Variants in PC observed in about 807,000 individuals in gnomAD.
PC encodes pyruvate carboxylase.
Under a neutral mutation model 107.8 loss-of-function variants are expected in PC, and 46 were observed. The ratio of observed to expected loss-of-function variants is 0.43; its 90% CI spans 0.34 to 0.55. The LOEUF (loss-of-function observed/expected upper bound fraction) is 0.55. PC is among the 20% of genes least tolerant of loss of function. The pLI is 0.04. For synonymous variants in PC, 662 were observed against 684.7 expected, an observed-to-expected ratio of 0.97 and a Z score of 0.52; for missense variants, 1,241 against 1,643.1, an observed-to-expected ratio of 0.76 and a Z score of 4.23.
intron 3 of PC, among the ~76,000 whole-genome samples, chr11:66,915,908 C>A (rs1290470768): frequency 6.6e-6 from 1 of 152,206 alleles, no homozygotes; most frequent in African/African-American, 2.4e-5. Flanking sequence ...CCTCTTTCGG[C>A]ACTTTGAGCT....
intron 3 of PC, among the ~76,000 whole-genome samples, chr11:66,910,560 G>A (rs1279108916): frequency 1.3e-5 from 2 of 152,168 alleles, no homozygotes; most frequent in African/African-American, 2.4e-5. Flanking sequence ...AGAGCGTGAT[G>A]GCCCCACACT....
intron 11 of PC, among the ~76,000 whole-genome samples, chr11:66,864,750 G>A (rs772012495): frequency 1.3e-5 from 2 of 152,192 alleles, no homozygotes; most frequent in African/African-American, 2.4e-5. Context: ...CAGAGGCGCC[G>A]ACACTCACAC....
At chr11:66,851,738 G>A in intron 16 of PC, 52 bp downstream of exon 16, 4 of 1,594,164 alleles carry the variant, frequency 2.5e-6, no homozygotes, top group Non-Finnish European at 3.4e-6. Context: ...ACATGGCTCG[G>A]TACCCTCTGG....
intron 3 of PC, among the ~76,000 whole-genome samples, chr11:66,928,494 A>C (rs1254389852): frequency 6.9e-6 from 1 of 144,996 alleles, no homozygotes; most frequent in Non-Finnish European, 1.5e-5. Context: ...CTAGTAGTGC[A>C]AAAAAAAAAA....
intron 12 of PC, chr11:66,859,758 CT>C: frequency 6.2e-7 from 1 of 1,607,694 alleles, no homozygotes; most frequent in Admixed American, 1.7e-5. Context: ...GGCCACCAGG[CT>C]GCTGGGCTGT....
chr11:66,955,340 T>TG (rs1271744761), intron 1 of PC, among the ~76,000 whole-genome samples: 1 of 152,052 alleles, frequency 6.6e-6, no homozygotes, highest in Non-Finnish European at 1.5e-5. Context: ...TCACAGTGCC[T>TG]GGGGCACTGG....
At chr11:66,875,132 G>C (rs1216100193) in intron 3 of PC, among the ~76,000 whole-genome samples, 1 of 151,594 alleles carries the variant, frequency 6.6e-6, no homozygotes, top group Non-Finnish European at 1.5e-5. Flanking sequence ...ATGCACAGTG[G>C]AAAGGATCTC....
chr11:66,877,373 G>A (rs989241191), intron 3 of PC, among the ~76,000 whole-genome samples: 23 of 152,058 alleles, frequency 1.5e-4, no homozygotes, highest in Admixed American at 1.2e-3. Context: ...GTGATAGAGC[G>A]AGACTCCATC....
intron 1 of PC, 65 bp downstream of exon 1, chr11:66,958,257 G>C (rs976963832): frequency 6.6e-6 from 1 of 152,158 alleles, no homozygotes; most frequent in Non-Finnish European, 1.5e-5. Flanking sequence ...AGCGGTGCCG[G>C]CGCACGTCCA....
intron 3 of PC, among the ~76,000 whole-genome samples, chr11:66,885,852 C>T (rs553876487): frequency 1.1e-4 from 17 of 152,328 alleles, no homozygotes; most frequent in South Asian, 2.1e-4. Context: ...GCTTTTGGCA[C>T]CCTGTGATGG....
intron 16 of PC, 136 bp from the exon 17 acceptor site, chr11:66,851,416 T>C: frequency 7.6e-7 from 1 of 1,317,992 alleles, no homozygotes; most frequent in African/African-American, 1.4e-5. Context: ...GGGTGTGGCA[T>C]CCACAGGCGG....
At chr11:66,941,087 A>G (rs1377412716) in intron 3 of PC, among the ~76,000 whole-genome samples, 1 of 140,616 alleles carries the variant, frequency 7.1e-6, no homozygotes, top group African/African-American at 3.2e-5. Flanking sequence ...CTAAAAAAAA[A>G]AAAAAAAAAA....
At position 66,851,080 on chromosome 11, in the gene PC, T is replaced by C; in HGVS notation, c.2183A>G (p.Glu728Gly). The C allele has an allele frequency of 6.2e-7, 1 of 1,613,224 alleles. No individual in the cohort carries two copies. The highest frequency in any genetic ancestry group is 8.5e-7 in the Non-Finnish European group (1 of 1,179,988). Residue 728 changes from glutamate (E) to glycine (G), a missense_variant, in exon 17 of 23, where the codon GAA (glutamate) becomes GGA (glycine). Physicochemically the swap from Glu to Gly is moderately conservative, Grantham distance 98. This residue lies in a region of PC where 1,143 missense variants were observed against 1,551.9 expected (regional missense o/e 0.74). Transcript: ENST00000393960. ...GTGGGTGCCAGCTCGCACCAGCTCT[T>C]CGGCCAAGCCCATGTAGTACTGCAG... is the stretch of plus-strand genomic sequence containing the variant. ...YSLQYYMGLA[E>G]ELVRAGTHIL... is the part of the protein sequence containing the mutation.
chr11:66,937,255 T>C (rs1949022354), intron 3 of PC, among the ~76,000 whole-genome samples: 1 of 152,100 alleles, frequency 6.6e-6, no homozygotes, highest in Non-Finnish European at 1.5e-5. Flanking sequence ...GACTCAAAAG[T>C]CCAATAATTA....
chr11:66,855,789 C>T (rs1248781181), intron 12 of PC, among the ~76,000 whole-genome samples: 2 of 152,210 alleles, frequency 1.3e-5, no homozygotes, highest in Non-Finnish European at 2.9e-5. Context: ...CCCCTCTCGC[C>T]CCTAGGAAAT....
At chr11:66,912,841 G>C (rs1463099171) in intron 3 of PC, among the ~76,000 whole-genome samples, 1 of 152,126 alleles carries the variant, frequency 6.6e-6, no homozygotes, top group Non-Finnish European at 1.5e-5. Flanking sequence ...GGGGTGGGGA[G>C]GGGTCTCCCA....
intron 11 of PC, among the ~76,000 whole-genome samples, chr11:66,864,748 CCG>C (rs2135908769): frequency 6.6e-6 from 1 of 152,324 alleles, no homozygotes; most frequent in South Asian, 2.1e-4. Flanking sequence ...GACAGAGGCG[CCG>C]ACACTCACAC....
intron 3 of PC, among the ~76,000 whole-genome samples, chr11:66,908,952 T>C (rs949689594): frequency 2.0e-5 from 3 of 152,196 alleles, no homozygotes; most frequent in African/African-American, 2.4e-5. Context: ...AGCAGCTTTC[T>C]GCTTCCCTTC....
At position 66,849,694 on chromosome 11, in the gene PC, C is replaced by A. The variant is rs747786536; in HGVS notation, c.3064G>T (p.Asp1022Tyr). ...AGGGGGCCAAAGGTGGCAGTGAAGT[C>A]CTTGAAGTGGGCAAACACATCGGGG... is the stretch of plus-strand genomic sequence containing the variant. ...MYPDVFAHFK[D>Y]FTATFGPLDS... Residue 1022 changes from aspartate (D) to tyrosine (Y), a missense_variant, in exon 21 of 23, where the codon GAC (aspartate) becomes TAC (tyrosine). By Grantham distance (160) the Asp-to-Tyr change is radical. Around this residue, in one of 2 missense-constraint regions of PC, gnomAD observed 1,143 missense variants for 1,551.9 expected, o/e 0.74. Coordinates refer to ENST00000393960, the MANE Select transcript of PC (RefSeq NM_001040716.2). 1.9e-6 allele frequency: 3 copies of A among 1,614,060 alleles called. No homozygotes were observed. The African/African-American group carries it at 4.0e-5, about 22-fold the overall frequency.
Sources: gnomAD v4.1 joint callset for allele counts (sites outside exome capture counted in the v4.1 genomes callset) on GRCh38, gnomAD v4.1.1 for gene constraint, gnomAD v4.1.1 regional missense constraint, MANE v1.5 for transcripts, NCBI Gene and HGNC (gene_info 2026-07-23, HGNC 2026-07-21) for gene names.